Variants in SLIT1 observed in about 807,000 individuals in gnomAD.
The protein encoded by SLIT1 is slit homolog 1 protein.
A neutral mutation model predicts 186.1 loss-of-function variants in SLIT1; 66 were observed. The ratio of observed to expected loss-of-function variants is 0.35; its 90% CI spans 0.29 to 0.44. SLIT1 has a LOEUF of 0.44. SLIT1 is among the 20% of genes least tolerant of loss of function. The pLI is 1.00. For synonymous variants in SLIT1, 761 were observed against 833.8 expected (o/e 0.91, Z 1.50); for missense variants, 1,638 against 2,037.4 (o/e 0.80, Z 3.77).
At chr10:97,151,947 T>C (rs1353500985) in intron 4 of SLIT1, among the ~76,000 whole-genome samples, 1 of 151,354 alleles carries the variant, frequency 6.6e-6, no homozygotes, top group Non-Finnish European at 1.5e-5. Flanking sequence ...GGGAAGGGGG[T>C]GTGCTCTCTT....
rs146769526 is a variant in SLIT1, at chr10:97,049,011, C to A, written c.1409G>T (p.Arg470Leu). ...ETSGARCASP[R>L]RLANKRIGQI... ...CCCGATGCGCTTGTTGGCGAGGCGCCGGGGACTGGCACAGCGGGCACCACT... is the reference window on the plus strand; with the variant it reads ...CCCGATGCGCTTGTTGGCGAGGCGCAGGGGACTGGCACAGCGGGCACCACT... Residue 470 changes from arginine (R) to leucine (L), a missense_variant, in exon 14 of 37, where the codon CGG (arginine) becomes CTG (leucine). Physicochemically the swap from Arg to Leu is moderately radical, Grantham distance 102. Around this residue, in one of 3 missense-constraint regions of SLIT1, gnomAD observed 1,245 missense variants for 1,535.3 expected, o/e 0.81. Transcript: ENST00000266058. 1 of 1,610,654 alleles carries A rather than the reference C, an allele frequency of 6.2e-7. No homozygotes were observed. The highest frequency in any genetic ancestry group is 8.5e-7 in the Non-Finnish European group (1 of 1,179,178).
At chr10:97,096,460 T>C (rs1849291190) in intron 4 of SLIT1, among the ~76,000 whole-genome samples, 1 of 152,074 alleles carries the variant, frequency 6.6e-6, no homozygotes, top group South Asian at 2.1e-4. Flanking sequence ...AGAGCTGCCT[T>C]GCCAGGCTTA....
At chr10:97,072,713 G>T (rs1849011131) in intron 4 of SLIT1, among the ~76,000 whole-genome samples, 1 of 152,352 alleles carries the variant, frequency 6.6e-6, no homozygotes. Flanking sequence ...AACCTTGGAA[G>T]CCTCAGGAAA....
chr10:97,078,898 C>G (rs1849074906), intron 4 of SLIT1, among the ~76,000 whole-genome samples: 1 of 152,228 alleles, frequency 6.6e-6, no homozygotes, highest in South Asian at 2.1e-4. Flanking sequence ...AGAGGCAAGG[C>G]TCCTGTCCCA....
intron 4 of SLIT1, among the ~76,000 whole-genome samples, chr10:97,105,605 G>A (rs769733165): frequency 8.5e-5 from 13 of 152,188 alleles, no homozygotes; most frequent in Non-Finnish European, 1.5e-4. Context: ...TTTCTGAAGC[G>A]GGCAGAAGAG....
Position 97,021,109 on chromosome 10 carries a change from C to T in SLIT1, c.2746+141G>A. On this transcript the variant is annotated intron_variant, in intron 26 of 36. Transcript: ENST00000266058. The surrounding 1 kb of genome is among the most constrained non-coding windows in gnomAD (Gnocchi z 4.5). ...TATGTCAGGATTGGAAGGCAGCCATCAAGCCGCAGGTGCCTTGTTCCTGTC... is the reference window on the plus strand; with the variant it reads ...TATGTCAGGATTGGAAGGCAGCCATTAAGCCGCAGGTGCCTTGTTCCTGTC... 1 of 691,656 alleles carries T rather than the reference C, an allele frequency of 1.4e-6. No homozygotes were observed. The highest frequency in any genetic ancestry group is 2.3e-6 in the Non-Finnish European group (1 of 436,906). 42.8% of individuals were successfully genotyped at this position (691,656 alleles called of 1,614,324 possible). A position where few individuals can be genotyped will look rare whatever the true frequency, so the allele number is the denominator to read the frequency against.
Position 97,039,957 on chromosome 10 carries a change from C to G in SLIT1, c.2297+31G>C, listed in dbSNP as rs369758802. ...CCACTGTCCCCGTCCTGTGGACCCACGTGAAGGGGGCAAGGCCTTGAGCTA... is the reference window on the plus strand; with the variant it reads ...CCACTGTCCCCGTCCTGTGGACCCAGGTGAAGGGGGCAAGGCCTTGAGCTA... On this transcript the variant is annotated intron_variant, in intron 21 of 36. Transcript: ENST00000266058. 50 of 1,610,918 alleles carry G rather than the reference C, an allele frequency of 3.1e-5. 1 individual carries two copies. The African/African-American group carries it at 6.1e-4, about 20-fold the overall frequency.
At chr10:97,072,445 C>T (rs946053775) in intron 4 of SLIT1, among the ~76,000 whole-genome samples, 1 of 152,144 alleles carries the variant, frequency 6.6e-6, no homozygotes, top group East Asian at 1.9e-4. Context: ...ACTAAAGGCA[C>T]GGGCACTGTG....
At chr10:97,165,831 C>T (rs1850097886) in intron 1 of SLIT1, among the ~76,000 whole-genome samples, 2 of 152,250 alleles carry the variant, frequency 1.3e-5, no homozygotes, top group African/African-American at 4.8e-5. Flanking sequence ...TGCTGGGCTG[C>T]CTGGCCCCTC....
intron 23 of SLIT1, among the ~76,000 whole-genome samples, chr10:97,033,404 GC>G (rs1848609244): frequency 6.6e-6 from 1 of 152,170 alleles, no homozygotes; most frequent in Non-Finnish European, 1.5e-5. Flanking sequence ...CTGATCAGTT[GC>G]TTGGAATATA....
chr10:97,160,713 G>C (rs565279744), intron 3 of SLIT1, among the ~76,000 whole-genome samples: 1 of 152,252 alleles, frequency 6.6e-6, no homozygotes, highest in Admixed American at 6.5e-5. Context: ...TTTTGTTGTT[G>C]TTATTGTTGT....
chr10:97,138,725 G>A (rs2817648), intron 4 of SLIT1, among the ~76,000 whole-genome samples: 131,491 of 152,152 alleles, frequency 0.86, 57,034 homozygotes, highest in East Asian at 0.98. Flanking sequence ...ATTTGAATAT[G>A]TCTGAGACAG....
rs543129605 is a variant in SLIT1, at chr10:97,080,162, G to A, written c.414-14076C>T. On this transcript the variant is annotated intron_variant, in intron 4 of 36. Coordinates refer to ENST00000266058, the MANE Select transcript of SLIT1 (RefSeq NM_003061.3). ...CTTCTCACAGCCTAGGGGGACTTCGGGGAATGGTATCTTACACAATTTAGC... is the reference window on the plus strand; with the variant it reads ...CTTCTCACAGCCTAGGGGGACTTCGAGGAATGGTATCTTACACAATTTAGC... 2.6e-5 allele frequency among the ~76,000 whole-genome samples: 4 copies of A among 152,290 alleles called. No homozygotes were observed. In the South Asian group the frequency reaches 8.3e-4, roughly 32 times the overall value.
rs1345073743 is a variant in SLIT1, at chr10:97,152,717, T to C, written c.413+5101A>G. Among the ~76,000 whole-genome samples, 5 of 152,300 alleles carry C rather than the reference T, an allele frequency of 3.3e-5. No homozygotes were observed. The East Asian group carries it at 9.6e-4, about 29-fold the overall frequency. ...CGTAACACATGCTTCTTAAAGAACA[T>C]CTGAGACACAGAAGAGAAAAAAGCC... On this transcript the variant is annotated intron_variant, in intron 4 of 36. Transcript: ENST00000266058.
intron 27 of SLIT1, 132 bp from the exon 28 acceptor site, chr10:97,018,815 C>T: frequency 1.5e-6 from 1 of 648,300 alleles, no homozygotes; most frequent in Non-Finnish European, 2.7e-6. Context: ...TTCATTCGTC[C>T]ACTTCATTCA....
chr10:97,042,894 G>A lies in SLIT1; in HGVS notation c.2164+7C>T, dbSNP rs767681237. ...CTCTCCCTTGCCACCGGGGGGCCAC[G>A]AGTTACCTTCCTCACACCTGAAGTC... On this transcript the variant is annotated splice_region_variant and intron_variant, in intron 20 of 36. Coordinates refer to ENST00000266058, the MANE Select transcript of SLIT1 (RefSeq NM_003061.3). 1.9e-6 allele frequency: 3 copies of A among 1,612,884 alleles called. No homozygotes were observed. Among genetic ancestry groups the A allele is most frequent in the East Asian group, 2.2e-5 (1 of 44,850 alleles).
Position 97,002,263 on chromosome 10 carries a change from G to C in SLIT1, c.4261C>G (p.Pro1421Ala). 8 of 1,605,474 alleles carry C rather than the reference G, an allele frequency of 5.0e-6. No individual in the cohort carries two copies. The highest frequency in any genetic ancestry group is 5.9e-6 in the Non-Finnish European group (7 of 1,176,512). ...LCNQAGALAE[P>A]CRGLQCLHGH... is the part of the protein sequence containing the mutation. ...TGCAGGCACTGCAGGCCTCTGCAGG[G>C]CTCTGCCAGGGCCCCGGCCTGGTTG... Residue 1421 changes from proline to alanine, a missense_variant, in exon 36 of 37, where the codon CCC becomes GCC. Transcript: ENST00000266058.
At chr10:97,077,742 T>A (rs1849059135) in intron 4 of SLIT1, among the ~76,000 whole-genome samples, 2 of 152,180 alleles carry the variant, frequency 1.3e-5, no homozygotes, top group South Asian at 4.1e-4. Context: ...CTTCCACTCC[T>A]AAGAGAATGA....
At chr10:97,152,420 G>A (rs536821384) in intron 4 of SLIT1, among the ~76,000 whole-genome samples, 96 of 150,724 alleles carry the variant, frequency 6.4e-4, no homozygotes, top group African/African-American at 2.3e-3. Context: ...ACCACCCTCC[G>A]AAGTAGCCCT....
Sources: gnomAD v4.1 joint callset for allele counts (sites outside exome capture counted in the v4.1 genomes callset) on GRCh38, gnomAD v4.1.1 for gene constraint, gnomAD v4.1.1 regional missense constraint, Gnocchi (gnomAD v3.1) non-coding constraint, MANE v1.5 for transcripts, NCBI Gene and HGNC (gene_info 2026-07-23, HGNC 2026-07-21) for gene names.